SEC11A: variants seen among roughly 807,000 people sequenced by gnomAD.
The protein encoded by SEC11A is SEC11 homolog A, signal peptidase complex subunit.
A neutral mutation model predicts 25.6 loss-of-function variants in SEC11A; 14 were observed. That is an observed-to-expected ratio of 0.55 (90% CI 0.36 to 0.85). The LOEUF (loss-of-function observed/expected upper bound fraction) is 0.85, where lower values mean the gene tolerates loss of function less well. Among genes scored for constraint, SEC11A ranks in the 40% least tolerant of loss-of-function variants. The pLI is 0.01. For missense variants in SEC11A, 153 were observed against 222.9 expected (o/e 0.69, Z 2.00); for synonymous variants, 83 against 76.4 (o/e 1.09, Z -0.45).
At chr15:84,708,622 C>G (rs1471530214) in intron 1 of SEC11A, among the ~76,000 whole-genome samples, 1 of 151,588 alleles carries the variant, frequency 6.6e-6, no homozygotes, top group East Asian at 1.9e-4. Flanking sequence ...AAAAATTAAC[C>G]AGGTATGAAA....
chr15:84,705,392 TG>T (rs1898065810), intron 1 of SEC11A, among the ~76,000 whole-genome samples: 1 of 152,128 alleles, frequency 6.6e-6, no homozygotes, highest in Non-Finnish European at 1.5e-5. Context: ...CAACACTTTG[TG>T]GGGCTGGGGT....
At chr15:84,705,081 C>T (rs148979086) in intron 1 of SEC11A, among the ~76,000 whole-genome samples, 13 of 152,186 alleles carry the variant, frequency 8.5e-5, no homozygotes, top group Middle Eastern at 3.4e-3. Flanking sequence ...AGTACCACCA[C>T]GCCTGGCTAA....
At position 84,680,827 on chromosome 15, in the gene SEC11A, T is replaced by C. The variant is rs200597403; in HGVS notation, c.317A>G (p.Asn106Ser). Residue 106 changes from asparagine (N) to serine (S), a missense_variant, in exon 4 of 6, where the codon AAT (asparagine) becomes AGT (serine). Coordinates refer to ENST00000268220, the MANE Select transcript of SEC11A (RefSeq NM_014300.4). ...TTTGGTCAAAAACTTGATATGCCCA[T>C]TTTGCCTTAAAAGAGTAAAGGAAAC... ...HRVLKIHEKQNGHIKFLTKGD... is the reference protein window; with the variant it reads ...HRVLKIHEKQSGHIKFLTKGD... 31 of 1,607,054 alleles carry C rather than the reference T, an allele frequency of 1.9e-5. No homozygotes were observed. Among genetic ancestry groups the C allele is most frequent in the Non-Finnish European group, 6.8e-6 (8 of 1,175,922 alleles).
chr15:84,705,363 T>A (rs561416448), intron 1 of SEC11A, among the ~76,000 whole-genome samples: 3,674 of 152,294 alleles, frequency 0.024, 67 homozygotes, highest in Non-Finnish European at 0.037. Context: ...AGAATGCAGT[T>A]ATGGCACCAG....
intron 1 of SEC11A, among the ~76,000 whole-genome samples, chr15:84,701,619 C>T (rs976429079): frequency 3.3e-5 from 5 of 151,762 alleles, no homozygotes; most frequent in South Asian, 4.1e-4. Flanking sequence ...AATAAAACAA[C>T]GTTCAATTAT....
At chr15:84,698,310 G>C (rs1221207305) in intron 1 of SEC11A, among the ~76,000 whole-genome samples, 1 of 152,120 alleles carries the variant, frequency 6.6e-6, no homozygotes, top group Admixed American at 6.6e-5. Flanking sequence ...ATAGAAATCA[G>C]AAGCAAAAAT....
At chr15:84,689,932 A>C (rs954553147) in intron 2 of SEC11A, among the ~76,000 whole-genome samples, 9 of 152,120 alleles carry the variant, frequency 5.9e-5, no homozygotes, top group African/African-American at 1.9e-4. Context: ...CAAACAACCA[A>C]GTGGTAATTC....
intron 4 of SEC11A, among the ~76,000 whole-genome samples, chr15:84,674,802 C>T (rs2141870009): frequency 6.6e-6 from 1 of 152,308 alleles, no homozygotes; most frequent in East Asian, 1.9e-4. Flanking sequence ...TCCAGCGGTT[C>T]TCCCATCTTG....
At chr15:84,682,941 A>T (rs1897317254) in intron 3 of SEC11A, among the ~76,000 whole-genome samples, 1 of 152,168 alleles carries the variant, frequency 6.6e-6, no homozygotes, top group Non-Finnish European at 1.5e-5. Context: ...TCAGGTTTCT[A>T]TGGGCTAATA....
intron 2 of SEC11A, among the ~76,000 whole-genome samples, chr15:84,688,816 A>G (rs1897506431): frequency 6.6e-6 from 1 of 152,002 alleles, no homozygotes; most frequent in Non-Finnish European, 1.5e-5. Flanking sequence ...AGGTGACCTG[A>G]GGTCAGGAGT....
At chr15:84,710,817 AAC>A (rs1190817057) in intron 1 of SEC11A, among the ~76,000 whole-genome samples, 1 of 152,098 alleles carries the variant, frequency 6.6e-6, no homozygotes, top group African/African-American at 2.4e-5. Context: ...TGCATTGAAA[AAC>A]ACACATATCT....
At chr15:84,715,910 G>T (rs1229112500) in intron 1 of SEC11A, 115 bp downstream of exon 1, 1 of 930,178 alleles carries the variant, frequency 1.1e-6, no homozygotes. Flanking sequence ...CGAATGACCC[G>T]GGTATCAGAC....
At chr15:84,707,693 C>T (rs1202590204) in intron 1 of SEC11A, among the ~76,000 whole-genome samples, 4 of 152,088 alleles carry the variant, frequency 2.6e-5, no homozygotes, top group African/African-American at 4.8e-5. Context: ...CACAGTTTCT[C>T]CTAAGGGGAG....
intron 1 of SEC11A, among the ~76,000 whole-genome samples, chr15:84,710,287 T>C (rs1421449896): frequency 6.6e-6 from 1 of 152,120 alleles, no homozygotes; most frequent in East Asian, 1.9e-4. Flanking sequence ...ATTTATAAAG[T>C]TTAATTATTT....
chr15:84,712,857 T>C (rs1271346584), intron 1 of SEC11A, among the ~76,000 whole-genome samples: 1 of 152,116 alleles, frequency 6.6e-6, no homozygotes, highest in Non-Finnish European at 1.5e-5. Flanking sequence ...GAACGGGTCT[T>C]GTAGGTGATA....
At chr15:84,681,602 C>G (rs973242594) in intron 3 of SEC11A, among the ~76,000 whole-genome samples, 16 of 152,062 alleles carry the variant, frequency 1.1e-4, no homozygotes, top group African/African-American at 3.9e-4. Context: ...TGCACTCAAG[C>G]CTGGGCGACA....
chr15:84,682,460 T>C lies in SEC11A; in HGVS notation c.312-1628A>G, dbSNP rs187036011. On this transcript the variant is annotated intron_variant, in intron 3 of 5. Transcript: ENST00000268220. ...TTTTGTTTTTTTGTTTTGTTTTGTT[T>C]TGTTTTGAGACAGAGTCTCACACTG... is the stretch of plus-strand genomic sequence containing the variant. Among the ~76,000 whole-genome samples, 601 of 152,324 alleles carry C rather than the reference T, an allele frequency of 3.9e-3. 1 individual carries two copies. Among genetic ancestry groups the C allele is most frequent in the African/African-American group, 0.014 (571 of 41,554 alleles).
At chr15:84,696,603 A>T (rs1345613202) in intron 1 of SEC11A, among the ~76,000 whole-genome samples, 1 of 152,178 alleles carries the variant, frequency 6.6e-6, no homozygotes, top group Non-Finnish European at 1.5e-5. Context: ...GTGTTCCAGG[A>T]TTCAGAATGG....
intron 4 of SEC11A, among the ~76,000 whole-genome samples, chr15:84,677,054 G>A (rs1307273884): frequency 6.6e-6 from 1 of 151,936 alleles, no homozygotes; most frequent in Admixed American, 6.6e-5. Flanking sequence ...TTCTGCCACT[G>A]CACTCCAGCC....
Sources: gnomAD v4.1 joint callset for allele counts (sites outside exome capture counted in the v4.1 genomes callset) on GRCh38, gnomAD v4.1.1 for gene constraint, MANE v1.5 for transcripts, NCBI Gene and HGNC (gene_info 2026-07-23, HGNC 2026-07-21) for gene names.